The following ABCE1 variants were observed in gnomAD, a reference collection of about 807,000 sequenced individuals.
The protein encoded by ABCE1 is ATP binding cassette subfamily E member 1.
A neutral mutation model predicts 83.4 loss-of-function variants in ABCE1; 22 were observed. The ratio of observed to expected loss-of-function variants is 0.26; its 90% CI spans 0.19 to 0.38. ABCE1 has a LOEUF of 0.38. Ranked by LOEUF, ABCE1 falls within the 10% of genes least tolerant of loss-of-function variation. The pLI is 1.00. For synonymous variants in ABCE1, 204 were observed against 233.7 expected, an observed-to-expected ratio of 0.87 and a Z score of 1.16; for missense variants, 330 against 721.9, an observed-to-expected ratio of 0.46 and a Z score of 6.22.
chr4:145,107,179 G>A (rs1749330649), intron 3 of ABCE1, among the ~76,000 whole-genome samples: 1 of 151,960 alleles, frequency 6.6e-6, no homozygotes, highest in African/African-American at 2.4e-5. Flanking sequence ...GTTTTTTAAT[G>A]TGAATTGACT....
At chr4:145,105,838 A>C in intron 3 of ABCE1, 148 bp downstream of exon 3, 1 of 454,880 alleles carries the variant, frequency 2.2e-6, no homozygotes, top group Non-Finnish European at 3.9e-6. Flanking sequence ...GTATTCTAAT[A>C]TCAGTGACAT....
intron 4 of ABCE1, 140 bp downstream of exon 4, chr4:145,108,252 A>T: frequency 1.3e-5 from 10 of 749,416 alleles, no homozygotes; most frequent in Non-Finnish European, 2.2e-5. Flanking sequence ...CATCATGCAG[A>T]ATCATACTGC....
chr4:145,104,657 G>A, intron 2 of ABCE1, 142 bp downstream of exon 2: 1 of 536,746 alleles, frequency 1.9e-6, no homozygotes, highest in Non-Finnish European at 2.9e-6. Context: ...AAAGTAGTTT[G>A]TTCTAAATTT....
chr4:145,120,278 A>G (rs1749709271), intron 11 of ABCE1, 125 bp downstream of exon 11: 1 of 791,704 alleles, frequency 1.3e-6, no homozygotes, highest in Non-Finnish European at 2.0e-6. Context: ...ATTTAAACCC[A>G]CAAATTTCTT....
At chr4:145,105,501 T>C (rs1749277207) in intron 2 of ABCE1, 104 bp from the exon 3 acceptor site, 1 of 733,280 alleles carries the variant, frequency 1.4e-6, no homozygotes, top group African/African-American at 1.8e-5. Flanking sequence ...TTTTTGAAAA[T>C]CTGCTTCTGT....
At chr4:145,110,282 G>A (rs754335126) in intron 6 of ABCE1, 42 bp downstream of exon 6, 31 of 1,599,164 alleles carry the variant, frequency 1.9e-5, no homozygotes, top group Non-Finnish European at 2.6e-5. Context: ...ATTAGTAGAA[G>A]TATAAAAGAT....
intron 9 of ABCE1, among the ~76,000 whole-genome samples, chr4:145,116,887 CCTAT>C (rs1749622883): frequency 6.6e-6 from 1 of 151,902 alleles, no homozygotes; most frequent in Admixed American, 6.6e-5. Flanking sequence ...AGGATTCTGT[CCTAT>C]CTTTGTGTAT....
intron 11 of ABCE1, chr4:145,120,860 A>G: frequency 3.7e-6 from 1 of 269,448 alleles, no homozygotes; most frequent in South Asian, 6.0e-5. Flanking sequence ...TACTGTCTTA[A>G]TAAATTGTGT....
intron 6 of ABCE1, 66 bp from the exon 7 acceptor site, chr4:145,110,309 G>C (rs1399433029): frequency 6.3e-7 from 1 of 1,598,202 alleles, no homozygotes; most frequent in Non-Finnish European, 8.5e-7. Context: ...AAATAAACTT[G>C]TTTTACTTTG....
intron 1 of ABCE1, among the ~76,000 whole-genome samples, chr4:145,101,444 C>G (rs1749153743): frequency 6.6e-6 from 1 of 152,138 alleles, no homozygotes; most frequent in Non-Finnish European, 1.5e-5. Flanking sequence ...GGCATTTACT[C>G]AGATTGAGAA....
chr4:145,118,923 C>A (rs1749671945), intron 10 of ABCE1, among the ~76,000 whole-genome samples: 1 of 151,728 alleles, frequency 6.6e-6, no homozygotes, highest in East Asian at 1.9e-4. Flanking sequence ...GTTCTTTGAG[C>A]CTTTATTTTC....
intron 3 of ABCE1, 26 bp downstream of exon 3, chr4:145,105,716 C>A (rs1255527396): frequency 2.0e-6 from 3 of 1,491,166 alleles, no homozygotes; most frequent in South Asian, 2.3e-5. Flanking sequence ...TTTACTGGAT[C>A]AAACGTGTAA....
At chr4:145,105,855 T>A (rs1014082616) in intron 3 of ABCE1, among the ~76,000 whole-genome samples, 165 bp downstream of exon 3, 3 of 152,030 alleles carry the variant, frequency 2.0e-5, no homozygotes, top group African/African-American at 7.2e-5. Flanking sequence ...ACATTGTTGC[T>A]TTTTTAAATA....
At chr4:145,106,940 G>A (rs1260974200) in intron 3 of ABCE1, among the ~76,000 whole-genome samples, 3 of 152,020 alleles carry the variant, frequency 2.0e-5, no homozygotes, top group African/African-American at 4.8e-5. Context: ...CTCTAAACAC[G>A]GAAACTTAGA....
Position 145,121,199 on chromosome 4 carries a change from A to T in ABCE1, c.1170A>T (p.Arg390Ser). The change falls in exon 12 of 18, where the codon AGA becomes AGT. Residue 390 changes from arginine (R) to serine (S), a missense_variant. By Grantham distance (110) the Arg-to-Ser change is moderately radical. Transcript: ENST00000296577. Reference sequence around the variant, plus strand: ...GAACGGGTAAAACGACATTTATCAGAATGCTTGCTGGAAGACTTAAACCTG... The same window carrying T: ...GAACGGGTAAAACGACATTTATCAGTATGCTTGCTGGAAGACTTAAACCTG... ...ENGTGKTTFIRMLAGRLKPDE... is the reference protein window; with the variant it reads ...ENGTGKTTFISMLAGRLKPDE... 1 of 1,613,708 alleles carries T rather than the reference A, an allele frequency of 6.2e-7. No individual in the cohort carries two copies. Among genetic ancestry groups the T allele is most frequent in the Non-Finnish European group, 8.5e-7 (1 of 1,179,892 alleles).
rs184118103 is a variant in ABCE1 at position 145,128,255 on chromosome 4, T to C, written c.*682T>C. On this transcript the variant is annotated 3_prime_UTR_variant, in exon 18 of 18. Coordinates refer to ENST00000296577, the MANE Select transcript of ABCE1 (RefSeq NM_002940.3). ...ACTTTACTCTGAACTTTTTTTGTTTTTGCATTCCATGAGGTTCTGTATTCA... is the reference window on the plus strand; with the variant it reads ...ACTTTACTCTGAACTTTTTTTGTTTCTGCATTCCATGAGGTTCTGTATTCA... 1.8e-4 allele frequency: 28 copies of C among 152,768 alleles called. No homozygotes were observed. The highest frequency in any genetic ancestry group is 6.7e-4 in the African/African-American group (28 of 41,568). The allele number at this position is 152,768 out of a possible 1,614,324, so 9.5% of individuals were successfully genotyped here.
intron 13 of ABCE1, chr4:145,122,388 C>T (rs568568217): frequency 2.0e-5 from 3 of 152,310 alleles, no homozygotes; most frequent in Admixed American, 2.0e-4. Flanking sequence ...TTACTGATTG[C>T]CTAAGGTTGC....
chr4:145,121,895 T>A (rs968842250), intron 13 of ABCE1: 3 of 152,248 alleles, frequency 2.0e-5, no homozygotes, highest in Non-Finnish European at 4.4e-5. Flanking sequence ...AAAATAAAGA[T>A]GTTTGTCATC....
Position 145,109,243 on chromosome 4 carries a change from G to C in ABCE1, c.399G>C (p.Lys133Asn). 6.3e-7 allele frequency: 1 copy of C among 1,598,096 alleles called. No homozygotes were observed. Among genetic ancestry groups the C allele is most frequent in the South Asian group, 1.1e-5 (1 of 90,166 alleles). Residue 133 changes from lysine (K) to asparagine (N), a missense_variant, in exon 5 of 18, where the codon AAG becomes AAC. Physicochemically the swap from Lys to Asn is moderately conservative, Grantham distance 94. Transcript: ENST00000296577. The part of the protein sequence containing the change: ...LAGKQKPNLG[K>N]YDDPPDWQEI... ...GAAAACAAAAGCCAAACCTTGGAAA[G>C]TACGATGTATGTATTATCACCTTGT...
Sources: allele counts gnomAD v4.1 joint callset (sites outside exome capture counted in the v4.1 genomes callset), GRCh38; gene constraint gnomAD v4.1.1; transcripts MANE v1.5; gene names NCBI Gene and HGNC (gene_info 2026-07-23, HGNC 2026-07-21).